Variants in LDLRAD4 observed in about 807,000 individuals in gnomAD.
LDLRAD4 encodes low-density lipoprotein receptor class A domain-containing protein 4.
In LDLRAD4, 5 loss-of-function variants were observed where a neutral mutation model predicts 17.0. That is an observed-to-expected ratio of 0.29 (90% CI 0.15 to 0.62). LDLRAD4 has a LOEUF of 0.62. Ranked by LOEUF, LDLRAD4 falls within the 20% of genes least tolerant of loss-of-function variation. The pLI, the probability that LDLRAD4 is intolerant of heterozygous loss-of-function variation, is 0.84. For missense variants in LDLRAD4, 340 were observed against 424.7 expected (o/e 0.80, Z 1.75); for synonymous variants, 168 against 171.8 (o/e 0.98, Z 0.17).
chr18:13,349,192 G>A (rs943043072), intron 1 of LDLRAD4, among the ~76,000 whole-genome samples: 5 of 152,180 alleles, frequency 3.3e-5, no homozygotes, highest in African/African-American at 1.2e-4. Context: ...GACTGGAGCT[G>A]TTCCTATTTG....
intron 3 of LDLRAD4, among the ~76,000 whole-genome samples, chr18:13,529,146 T>G (rs142532197): frequency 2.5e-4 from 38 of 152,360 alleles, no homozygotes; most frequent in African/African-American, 8.9e-4. Flanking sequence ...GCTCACTGTC[T>G]GATTCTGGCT....
chr18:13,245,301 A>G (rs1412681963), intron 1 of LDLRAD4, among the ~76,000 whole-genome samples: 1 of 152,182 alleles, frequency 6.6e-6, no homozygotes, highest in Non-Finnish European at 1.5e-5. Context: ...ACGAGGTGAG[A>G]CAGGCACGTG....
chr18:13,443,633 A>T (rs1451334171), intron 3 of LDLRAD4, among the ~76,000 whole-genome samples: 1 of 152,068 alleles, frequency 6.6e-6, no homozygotes. Context: ...TTTGCTCTTG[A>T]AGGATCTCTG....
chr18:13,444,527 T>C (rs1191241427), intron 3 of LDLRAD4, among the ~76,000 whole-genome samples: 3 of 152,064 alleles, frequency 2.0e-5, no homozygotes, highest in East Asian at 1.9e-4. Flanking sequence ...TTTCGGGGAG[T>C]TGAAAGTTAT....
rs1164890895 is a variant in LDLRAD4 at position 13,387,558 on chromosome 18, C to T, written c.-165C>T. ...CCAGGTGCCACACCCAGGTACCGCC[C>T]GCCCGCGCGAGAGCCGGGCAGGTGG... On this transcript the variant is annotated 5_prime_UTR_variant, in exon 2 of 6. Coordinates refer to ENST00000359446, the Ensembl canonical transcript of LDLRAD4. The T allele has an allele frequency of 2.8e-5, 18 of 640,344 alleles. 1 individual carries two copies. The highest frequency in any genetic ancestry group is 1.6e-4 in the South Asian group (9 of 57,178). The allele number at this position is 640,344 out of a possible 1,614,324, so 39.7% of individuals were successfully genotyped here.
At chr18:13,525,355 G>A in intron 3 of LDLRAD4, among the ~76,000 whole-genome samples, 1 of 152,174 alleles carries the variant, frequency 6.6e-6, no homozygotes, top group Non-Finnish European at 1.5e-5. Context: ...CACGCCCTGA[G>A]TCCATTCTGC....
intron 3 of LDLRAD4, among the ~76,000 whole-genome samples, chr18:13,512,419 G>A (rs1156622423): frequency 2.0e-5 from 3 of 152,308 alleles, no homozygotes; most frequent in South Asian, 4.1e-4. Flanking sequence ...TGAGGTGCTC[G>A]CCATGAGCTT....
intron 3 of LDLRAD4, among the ~76,000 whole-genome samples, chr18:13,595,299 T>C (rs2095081768): frequency 6.6e-6 from 1 of 152,210 alleles, no homozygotes; most frequent in Non-Finnish European, 1.5e-5. Context: ...TGTCTTATTA[T>C]AGAAGATTAG....
chr18:13,631,355 T>G (rs2041647814), intron 4 of LDLRAD4, among the ~76,000 whole-genome samples: 3 of 152,188 alleles, frequency 2.0e-5, no homozygotes, highest in Non-Finnish European at 4.4e-5. Context: ...AGTAAGGAGA[T>G]TGAACCAATG....
At chr18:13,476,126 A>G (rs757331484) in intron 3 of LDLRAD4, among the ~76,000 whole-genome samples, 1 of 152,188 alleles carries the variant, frequency 6.6e-6, no homozygotes, top group Admixed American at 6.5e-5. Flanking sequence ...ATGTTGGCAC[A>G]TGGATGCCTT....
intron 3 of LDLRAD4, among the ~76,000 whole-genome samples, chr18:13,546,905 G>A (rs906048483): frequency 1.3e-5 from 2 of 152,162 alleles, no homozygotes; most frequent in Non-Finnish European, 2.9e-5. Flanking sequence ...TTGGAGAGGG[G>A]GTTTCACTGA....
At chr18:13,262,407 TGGGGGCTGAGTCCCGTGTGGCCCTGTGC>T (rs1567944783) in intron 1 of LDLRAD4, among the ~76,000 whole-genome samples, 2 of 122,984 alleles carry the variant, frequency 1.6e-5, no homozygotes, top group South Asian at 3.0e-4. Context: ...GCTCTGTGCG[TGGGGGCTGAGTCCCGTGTGGCCCTGTGC>T]GTGGAAACTG....
chr18:13,596,292 A>G (rs2095094994), intron 3 of LDLRAD4, among the ~76,000 whole-genome samples: 1 of 152,194 alleles, frequency 6.6e-6, no homozygotes, highest in African/African-American at 2.4e-5. Flanking sequence ...CATAGCATAT[A>G]GTTAAATCTT....
chr18:13,422,029 A>G (rs1428896156), intron 2 of LDLRAD4, among the ~76,000 whole-genome samples: 1 of 152,190 alleles, frequency 6.6e-6, no homozygotes, highest in Non-Finnish European at 1.5e-5. Flanking sequence ...CCCGGGGAGG[A>G]GCTCTGTTTC....
chr18:13,637,802 G>T (rs921436368), intron 4 of LDLRAD4, among the ~76,000 whole-genome samples: 7 of 151,018 alleles, frequency 4.6e-5, no homozygotes, highest in South Asian at 2.1e-4. Context: ...GGAGGCGGAG[G>T]TTGCAGTGAG....
intron 3 of LDLRAD4, among the ~76,000 whole-genome samples, chr18:13,576,250 G>A (rs2094768450): frequency 6.6e-6 from 1 of 152,020 alleles, no homozygotes; most frequent in Non-Finnish European, 1.5e-5. Context: ...GGGGAAACCT[G>A]TCTCTACTAA....
intron 3 of LDLRAD4, among the ~76,000 whole-genome samples, chr18:13,594,143 T>A (rs767157168): frequency 3.9e-5 from 6 of 152,100 alleles, no homozygotes; most frequent in Non-Finnish European, 8.8e-5. Context: ...GGGGCTGGTG[T>A]CTCCAGAGTG....
At chr18:13,591,863 T>C (rs1279151887) in intron 3 of LDLRAD4, among the ~76,000 whole-genome samples, 1 of 152,220 alleles carries the variant, frequency 6.6e-6, no homozygotes, top group Admixed American at 6.5e-5. Context: ...TTTGATTTGA[T>C]TGTTATAACA....
chr18:13,360,623 C>T lies in LDLRAD4; in HGVS notation c.-382-26718C>T, dbSNP rs533908591. 3.9e-5 allele frequency among the ~76,000 whole-genome samples: 6 copies of T among 152,318 alleles called. No individual in the cohort carries two copies. The South Asian group carries it at 1.2e-3, about 32-fold the overall frequency. On this transcript the variant is annotated intron_variant, in intron 1 of 5. Coordinates refer to ENST00000359446, the Ensembl canonical transcript of LDLRAD4. ...ATGATCTGGATTTTCCAATTTCTGC[C>T]TTCAAACGTACTGGCCATTTACATT...
Sources: gnomAD v4.1 joint callset for allele counts (sites outside exome capture counted in the v4.1 genomes callset) on GRCh38, gnomAD v4.1.1 for gene constraint, MANE v1.5 for transcripts, NCBI Gene and HGNC (gene_info 2026-07-23, HGNC 2026-07-21) for gene names.